The following LRRC7 variants were observed in gnomAD, a reference collection of about 807,000 sequenced individuals.
The protein encoded by LRRC7 is leucine rich repeat containing 7, also known as leucine-rich repeat-containing protein 7.
In LRRC7, 23 loss-of-function variants were observed where a neutral mutation model predicts 175.7. The ratio of observed to expected loss-of-function variants is 0.13; its 90% CI spans 0.09 to 0.19. The LOEUF (loss-of-function observed/expected upper bound fraction) is 0.19, where lower values mean the gene tolerates loss of function less well. Ranked by LOEUF, LRRC7 falls within the 10% of genes least tolerant of loss-of-function variation. The pLI, the probability that LRRC7 is intolerant of heterozygous loss-of-function variation, is 1.00. For missense variants in LRRC7, 1,354 were observed against 1,904.7 expected (o/e 0.71, Z 5.38); for synonymous variants, 685 against 680.9 (o/e 1.01, Z -0.09).
intron 7 of LRRC7, among the ~76,000 whole-genome samples, chr1:69,861,018 A>T (rs1256012982): frequency 6.6e-6 from 1 of 152,072 alleles, no homozygotes; most frequent in African/African-American, 2.4e-5. Flanking sequence ...GGTCAAGGAG[A>T]GAAGTAAGTG....
intron 2 of LRRC7, among the ~76,000 whole-genome samples, chr1:69,732,373 T>C (rs1471571171): frequency 6.6e-6 from 1 of 152,042 alleles, no homozygotes; most frequent in Non-Finnish European, 1.5e-5. Context: ...CAAGGAAAGA[T>C]GAACACTGTT....
chr1:69,829,606 G>T (rs1242965588), intron 5 of LRRC7, among the ~76,000 whole-genome samples: 1 of 97,490 alleles, frequency 1.0e-5, no homozygotes, highest in Admixed American at 1.0e-4. Context: ...TTTAATATAA[G>T]CAATTAAAGT....
Position 69,991,230 on chromosome 1 carries a change from T to C in LRRC7, c.932-3331T>C, listed in dbSNP as rs186635341. 2.6e-3 allele frequency among the ~76,000 whole-genome samples: 397 copies of C among 152,062 alleles called. 2 individuals carry two copies. Among genetic ancestry groups the C allele is most frequent in the Admixed American group, 7.1e-3 (108 of 15,266 alleles). On this transcript the variant is annotated intron_variant, in intron 10 of 26. Coordinates refer to ENST00000651989, the MANE Select transcript of LRRC7 (RefSeq NM_001370785.2). ...TGATATAATTGTTTGTATGAAATAG[T>C]TTCCTTTAAGAAAGAAACTAGGAAA...
intron 13 of LRRC7, among the ~76,000 whole-genome samples, chr1:70,015,999 T>A (rs1471149170): frequency 2.6e-5 from 4 of 152,194 alleles, no homozygotes; most frequent in Non-Finnish European, 5.9e-5. Flanking sequence ...TACAAGGTGC[T>A]TTGAAACCAG....
chr1:69,835,337 A>G (rs1680982836), intron 6 of LRRC7, among the ~76,000 whole-genome samples: 1 of 151,884 alleles, frequency 6.6e-6, no homozygotes. Flanking sequence ...CAAATTATTT[A>G]TATATTTAAC....
chr1:69,882,809 T>G (rs1267732023), intron 7 of LRRC7, among the ~76,000 whole-genome samples: 1 of 134,424 alleles, frequency 7.4e-6, no homozygotes, highest in Non-Finnish European at 1.5e-5. Context: ...TTCCCCTTCC[T>G]GTGTCCATGT....
intron 7 of LRRC7, chr1:69,875,014 A>C (rs1482681586): frequency 6.6e-6 from 1 of 152,104 alleles, no homozygotes; most frequent in Non-Finnish European, 1.5e-5. Flanking sequence ...ACATTGCTGT[A>C]GAATAAGTTG....
At chr1:69,952,279 A>G (rs1240873548) in intron 8 of LRRC7, among the ~76,000 whole-genome samples, 1 of 152,108 alleles carries the variant, frequency 6.6e-6, no homozygotes, top group Non-Finnish European at 1.5e-5. Context: ...AACTTATAGA[A>G]TATTGTCAAA....
At chr1:69,712,264 G>A (rs1176567951) in intron 2 of LRRC7, among the ~76,000 whole-genome samples, 1 of 147,402 alleles carries the variant, frequency 6.8e-6, no homozygotes, top group East Asian at 2.1e-4. Flanking sequence ...ACACACACGT[G>A]CACACGCGCA....
At chr1:70,057,107 T>C (rs537883003) in intron 23 of LRRC7, among the ~76,000 whole-genome samples, 67 of 152,324 alleles carry the variant, frequency 4.4e-4, no homozygotes, top group African/African-American at 1.4e-3. Context: ...CCTACTATTA[T>C]GATAAGCAGG....
intron 7 of LRRC7, among the ~76,000 whole-genome samples, chr1:69,857,656 A>G (rs1364210818): frequency 6.6e-6 from 1 of 152,138 alleles, no homozygotes; most frequent in Non-Finnish European, 1.5e-5. Flanking sequence ...GGATAGGAAG[A>G]ATCAATATCG....
rs376854222 is a variant in LRRC7, at chr1:69,717,977, A to AAG, written c.100+39501_100+39502dup. ...GAAAGAAGAAAAAGAAAGAAAGAGA[A>AAG]AGAAAGAGGAGGGAGAGAAAGAAAG... On this transcript the variant is annotated intron_variant, in intron 2 of 26. Transcript: ENST00000651989. Among the ~76,000 whole-genome samples, 464 of 48,308 alleles carry AAG rather than the reference A, an allele frequency of 9.6e-3. 11 individuals carry two copies. The highest frequency in any genetic ancestry group is 0.012 in the Non-Finnish European group (259 of 22,346). 31.7% of individuals were successfully genotyped at this position (48,308 alleles called of 152,430 possible). A position where few individuals can be genotyped will look rare whatever the true frequency, so the allele number is the denominator to read the frequency against.
At chr1:69,611,963 G>A (rs766685392) in intron 1 of LRRC7, among the ~76,000 whole-genome samples, 9 of 152,016 alleles carry the variant, frequency 5.9e-5, no homozygotes, top group Non-Finnish European at 1.3e-4. Flanking sequence ...CACAAGCATT[G>A]ATTTTGAGGT....
At position 69,873,943 on chromosome 1, in the gene LRRC7, G is replaced by T. The variant is rs1341145412; in HGVS notation, c.647+35660G>T. 5 of 152,300 alleles carry T rather than the reference G, an allele frequency of 3.3e-5. No individual in the cohort carries two copies. In the South Asian group the frequency reaches 6.2e-4, roughly 19 times the overall value. 9.4% of individuals were successfully genotyped at this position (152,300 alleles called of 1,614,324 possible). On this transcript the variant is annotated intron_variant, in intron 7 of 26. Transcript: ENST00000651989. ...GATCAAACTAAGCCATAATTTAAAA[G>T]TCATCCTAATGCAGTAAATAAGATA... is the stretch of plus-strand genomic sequence containing the variant.
rs374554784 is a variant in LRRC7, at chr1:69,974,027, C to G, written c.712-6352C>G. 3.9e-5 allele frequency among the ~76,000 whole-genome samples: 6 copies of G among 152,278 alleles called. No homozygotes were observed. The East Asian group carries it at 7.7e-4, about 20-fold the overall frequency. On this transcript the variant is annotated intron_variant, in intron 8 of 26. Coordinates refer to ENST00000651989, the MANE Select transcript of LRRC7 (RefSeq NM_001370785.2). ...TTACTTCTTTGAATTTGGCATACCT[C>G]TATTCCATATTTCTATTTTGAAATG...
At chr1:69,997,978 G>T (rs532339700) in intron 11 of LRRC7, among the ~76,000 whole-genome samples, 1 of 152,040 alleles carries the variant, frequency 6.6e-6, no homozygotes. Flanking sequence ...AAGGAATGGT[G>T]CCAGTTCCTC....
In LRRC7 at chr1:70,108,333, G is replaced by A. The variant is rs1475858729; in HGVS notation, c.4620+507G>A. Among the ~76,000 whole-genome samples, 3 of 152,078 alleles carry A rather than the reference G, an allele frequency of 2.0e-5. No individual in the cohort carries two copies. In the East Asian group the frequency reaches 5.8e-4, roughly 29 times the overall value. On this transcript the variant is annotated intron_variant, in intron 26 of 26. Transcript: ENST00000651989. The stretch of plus-strand genomic sequence containing the variant: ...AAGGTGACTTTTAAAAATGCATTGT[G>A]TGATGGAAGATGACTTTCACTAACT...
At chr1:69,676,007 G>GCACACACACACA (rs57846147) in intron 1 of LRRC7, among the ~76,000 whole-genome samples, 2 of 147,450 alleles carry the variant, frequency 1.4e-5, no homozygotes, top group African/African-American at 2.5e-5. Flanking sequence ...ATGAGTGCAT[G>GCACACACACACA]CACACACACA....
intron 2 of LRRC7, among the ~76,000 whole-genome samples, chr1:69,758,121 G>A (rs1670636681): frequency 6.6e-6 from 1 of 151,888 alleles, no homozygotes; most frequent in African/African-American, 2.4e-5. Context: ...CACTTATGAG[G>A]GTGCATTTAC....
Sources: allele counts gnomAD v4.1 joint callset (sites outside exome capture counted in the v4.1 genomes callset), GRCh38; gene constraint gnomAD v4.1.1; transcripts MANE v1.5; gene names NCBI Gene and HGNC (gene_info 2026-07-23, HGNC 2026-07-21).